ICOS: variants seen among roughly 807,000 people sequenced by gnomAD.
ICOS encodes the protein inducible T-cell costimulator.
ICOS carries 15 observed loss-of-function variants against 24.6 expected under a neutral mutation model. The observed-to-expected ratio is 0.61, with a 90% CI of 0.41 to 0.94. ICOS has a LOEUF of 0.94. Among genes scored for constraint, ICOS ranks in the 40% least tolerant of loss-of-function variants. The probability of loss-of-function intolerance (pLI) is 0.00; values close to 1 mark genes in which losing one functional copy is unlikely to be tolerated. For missense variants in ICOS, 200 were observed against 233.0 expected (o/e 0.86, Z 0.92); for synonymous variants, 89 against 77.5 (o/e 1.15, Z -0.78).
chr2:203,948,886 G>C (rs771432496), intron 1 of ICOS, among the ~76,000 whole-genome samples: 4 of 152,200 alleles, frequency 2.6e-5, no homozygotes, highest in Non-Finnish European at 5.9e-5. Context: ...TTGAGGAACA[G>C]AAAGAAGGGC....
At chr2:203,959,550 A>G in intron 4 of ICOS, 36 bp from the exon 5 acceptor site, 2 of 1,596,560 alleles carry the variant, frequency 1.3e-6, no homozygotes, top group Non-Finnish European at 1.7e-6. Flanking sequence ...GCACATGGAG[A>G]GCATTTAGAT....
chr2:203,941,359 T>G (rs574201998), intron 1 of ICOS, among the ~76,000 whole-genome samples: 206 of 152,322 alleles, frequency 1.4e-3, no homozygotes, highest in African/African-American at 4.2e-3. Context: ...GAAATGGATA[T>G]TTCAGTTTTA....
chr2:203,940,619 G>T (rs925757825), intron 1 of ICOS, among the ~76,000 whole-genome samples: 1 of 151,592 alleles, frequency 6.6e-6, no homozygotes, highest in Non-Finnish European at 1.5e-5. Context: ...GGCTTCTAGG[G>T]TTGTGGGTGA....
chr2:203,951,407 T>C (rs1689970998), intron 1 of ICOS, among the ~76,000 whole-genome samples: 1 of 152,186 alleles, frequency 6.6e-6, no homozygotes, highest in Non-Finnish European at 1.5e-5. Flanking sequence ...AGAAATAACA[T>C]TAAGATGTTT....
intron 4 of ICOS, 39 bp from the exon 5 acceptor site, chr2:203,959,547 G>A (rs1690135313): frequency 2.5e-6 from 4 of 1,593,254 alleles, no homozygotes; most frequent in Non-Finnish European, 3.4e-6. Flanking sequence ...CTGGCACATG[G>A]AGAGCATTTA....
Position 203,957,820 on chromosome 2 carries a change from G to C in ICOS, c.523G>C (p.Asp175His). 6.2e-7 allele frequency: 1 copy of C among 1,612,930 alleles called. No homozygotes were observed. The highest frequency in any genetic ancestry group is 8.5e-7 in the Non-Finnish European group (1 of 1,179,044). Residue 175 changes from aspartate to histidine, a missense_variant, in exon 4 of 5, where the codon GAC becomes CAC. Transcript: ENST00000316386. ...TKKKYSSSVH[D>H]PNGEYMFMRA... Reference sequence around the variant, plus strand: ...TCAGAAGTATTCATCCAGTGTGCACGACCCTAACGGTGAATACATGTTCAT... The same window carrying C: ...TCAGAAGTATTCATCCAGTGTGCACCACCCTAACGGTGAATACATGTTCAT...
intron 1 of ICOS, among the ~76,000 whole-genome samples, chr2:203,948,496 CCAT>C (rs1179548513): frequency 6.6e-6 from 1 of 152,168 alleles, no homozygotes. Flanking sequence ...ATTTGTTCGC[CCAT>C]CCAACCATGC....
chr2:203,936,964 A>G, intron 1 of ICOS, 92 bp downstream of exon 1: 1 of 971,748 alleles, frequency 1.0e-6, no homozygotes, highest in Non-Finnish European at 1.6e-6. Context: ...CCCAAAAGAC[A>G]GTGGTTTTGG....
intron 1 of ICOS, among the ~76,000 whole-genome samples, chr2:203,937,731 A>AT (rs899779651): frequency 3.9e-5 from 6 of 152,168 alleles, no homozygotes; most frequent in Non-Finnish European, 7.4e-5. Flanking sequence ...CTAGGGATAC[A>AT]TTTTTTCAGT....
chr2:203,944,879 G>A (rs1339680005), intron 1 of ICOS, among the ~76,000 whole-genome samples: 3 of 152,182 alleles, frequency 2.0e-5, no homozygotes, highest in Admixed American at 6.6e-5. Context: ...TTCTTGAAGA[G>A]TGAATGAGAA....
chr2:203,941,027 G>A (rs1689762041), intron 1 of ICOS, among the ~76,000 whole-genome samples: 1 of 149,948 alleles, frequency 6.7e-6, no homozygotes, highest in Non-Finnish European at 1.5e-5. Context: ...CTCGTGATCC[G>A]CCCACCTCCG....
At position 203,956,740 on chromosome 2, in the gene ICOS, T is replaced by C; in HGVS notation, c.476T>C (p.Ile159Thr). ...GTTGTAGTCTGCATTTTGGGATGCA[T>C]ACTTATTTGTTGGCTTACAAAAAAG... The part of the protein sequence containing the change: ...AFVVVCILGC[I>T]LICWLTKKKY... Residue 159 changes from isoleucine to threonine, a missense_variant, in exon 3 of 5, where the codon ATA becomes ACA. Coordinates refer to ENST00000316386, the MANE Select transcript of ICOS (RefSeq NM_012092.4). 1.2e-6 allele frequency: 2 copies of C among 1,611,648 alleles called. No individual in the cohort carries two copies. The highest frequency in any genetic ancestry group is 1.7e-6 in the Non-Finnish European group (2 of 1,177,836).
chr2:203,958,376 G>A (rs879617563), intron 4 of ICOS, among the ~76,000 whole-genome samples: 1 of 152,318 alleles, frequency 6.6e-6, no homozygotes, highest in South Asian at 2.1e-4. Context: ...AAGATATCTG[G>A]TTATTTTGAG....
At chr2:203,941,740 A>G (rs1689779280) in intron 1 of ICOS, among the ~76,000 whole-genome samples, 1 of 152,250 alleles carries the variant, frequency 6.6e-6, no homozygotes, top group African/African-American at 2.4e-5. Context: ...TTCAAAGTGA[A>G]AAAAACATGG....
chr2:203,953,287 CA>C (rs1158965353), intron 1 of ICOS, among the ~76,000 whole-genome samples: 24 of 152,054 alleles, frequency 1.6e-4, no homozygotes, highest in Non-Finnish European at 3.1e-4. Flanking sequence ...AAGCAGCTTC[CA>C]AGCTTTGCCT....
In ICOS at chr2:203,959,650, C is replaced by T. The variant is rs770140076; in HGVS notation, c.*51C>T. The T allele has an allele frequency of 1.3e-6, 2 of 1,555,596 alleles. No homozygotes were observed. The highest frequency in any genetic ancestry group is 1.7e-5 in the Admixed American group (1 of 59,928). On this transcript the variant is annotated 3_prime_UTR_variant, in exon 5 of 5. Coordinates refer to ENST00000316386, the MANE Select transcript of ICOS (RefSeq NM_012092.4). The stretch of plus-strand genomic sequence containing the variant: ...AAGCACGTTGGCCAGTTTTCCTCAA[C>T]TTGAAGTGCAAGATTCTCTTATTTC...
chr2:203,952,634 C>G (rs1340131601), intron 1 of ICOS, among the ~76,000 whole-genome samples: 2 of 152,128 alleles, frequency 1.3e-5, no homozygotes, highest in African/African-American at 4.8e-5. Context: ...TTAACTCTGT[C>G]TAATATATAT....
At chr2:203,943,816 G>A (rs1201895765) in intron 1 of ICOS, among the ~76,000 whole-genome samples, 4 of 152,140 alleles carry the variant, frequency 2.6e-5, no homozygotes, top group Non-Finnish European at 5.9e-5. Context: ...AGGTCTTGCT[G>A]TGGCTGCTGT....
intron 4 of ICOS, 143 bp from the exon 5 acceptor site, chr2:203,959,443 G>GGTGTGT (rs1363440875): frequency 4.1e-6 from 3 of 726,228 alleles, no homozygotes; most frequent in African/African-American, 4.0e-5. Context: ...GAGTTTGCAT[G>GGTGTGT]GTGTGTGTGT....
Sources: gnomAD v4.1 joint callset for allele counts (sites outside exome capture counted in the v4.1 genomes callset) on GRCh38, gnomAD v4.1.1 for gene constraint, MANE v1.5 for transcripts, NCBI Gene and HGNC (gene_info 2026-07-23, HGNC 2026-07-21) for gene names.